The following PRKG1 variants were observed in gnomAD, a reference collection of about 807,000 sequenced individuals.
PRKG1 encodes cGMP-dependent protein kinase 1.
PRKG1 carries 35 observed loss-of-function variants against 88.1 expected under a neutral mutation model. The ratio of observed to expected loss-of-function variants is 0.40; its 90% confidence interval spans 0.30 to 0.53. The LOEUF (loss-of-function observed/expected upper bound fraction) is 0.53. Ranked by LOEUF, PRKG1 falls within the 20% of genes least tolerant of loss-of-function variation. PRKG1 has a pLI of 0.59. For missense variants in PRKG1, 540 were observed against 839.8 expected, an observed-to-expected ratio of 0.64 and a Z score of 4.41; for synonymous variants, 303 against 292.5, an observed-to-expected ratio of 1.04 and a Z score of -0.37.
intron 3 of PRKG1, among the ~76,000 whole-genome samples, chr10:51,680,529 T>G (rs953039541): frequency 3.9e-5 from 6 of 152,250 alleles, no homozygotes; most frequent in Admixed American, 3.3e-4. Context: ...AATAGCAGCA[T>G]GCTAGTTTAT....
chr10:51,001,223 T>G (rs987487591), intron 1 of PRKG1, among the ~76,000 whole-genome samples: 1 of 152,170 alleles, frequency 6.6e-6, no homozygotes, highest in African/African-American at 2.4e-5. Context: ...CCAGTCTGGG[T>G]TCCCTGGGGA....
chr10:51,069,164 G>A (rs1384889389), intron 1 of PRKG1, among the ~76,000 whole-genome samples: 1 of 151,884 alleles, frequency 6.6e-6, no homozygotes, highest in Non-Finnish European at 1.5e-5. Flanking sequence ...AGTATTAAAT[G>A]CTAAGTACAT....
chr10:51,798,851 T>C (rs1839088050), intron 3 of PRKG1, among the ~76,000 whole-genome samples: 1 of 152,084 alleles, frequency 6.6e-6, no homozygotes, highest in Admixed American at 6.6e-5. Context: ...GTAATTTTGC[T>C]AATACAGTGC....
At chr10:51,255,195 CA>C (rs2132148274) in intron 2 of PRKG1, among the ~76,000 whole-genome samples, 1 of 152,184 alleles carries the variant, frequency 6.6e-6, no homozygotes, top group Admixed American at 6.5e-5. Flanking sequence ...TCAATTTCTA[CA>C]TATGTTTTGA....
chr10:51,423,874 G>T (rs1838491919), intron 2 of PRKG1, among the ~76,000 whole-genome samples: 1 of 151,976 alleles, frequency 6.6e-6, no homozygotes. Context: ...GTTTTACTTA[G>T]GGTAAAAATA....
rs184326130 is a variant in PRKG1 at position 52,205,896 on chromosome 10, G to A, written c.1076+43933G>A. The stretch of plus-strand genomic sequence containing the variant: ...AGTGTCTGATGACTATGTGCATTGG[G>A]GATGGTCATCTTGTATAGTATCTTT... On this transcript the variant is annotated intron_variant, in intron 9 of 17. Transcript: ENST00000373980. 5.4e-3 allele frequency among the ~76,000 whole-genome samples: 824 copies of A among 151,956 alleles called. 27 individuals carry two copies. The highest frequency in any genetic ancestry group is 0.049 in the Admixed American group (743 of 15,260).
At chr10:51,183,048 GA>G (rs935498361) in intron 2 of PRKG1, among the ~76,000 whole-genome samples, 3 of 151,930 alleles carry the variant, frequency 2.0e-5, no homozygotes, top group East Asian at 1.9e-4. Flanking sequence ...AATCTGGTAA[GA>G]AAAAAAGACT....
intron 8 of PRKG1, among the ~76,000 whole-genome samples, chr10:52,153,509 T>C (rs1368557007): frequency 2.6e-5 from 4 of 152,210 alleles, no homozygotes; most frequent in Admixed American, 2.6e-4. Flanking sequence ...TTTCACTGTC[T>C]AGTCTTTAAT....
At chr10:51,844,616 C>T (rs1289258717) in intron 4 of PRKG1, among the ~76,000 whole-genome samples, 1 of 152,104 alleles carries the variant, frequency 6.6e-6, no homozygotes, top group Non-Finnish European at 1.5e-5. Flanking sequence ...ACACTGAAAT[C>T]AATCTACTTT....
chr10:51,995,631 G>A (rs1031045082), intron 5 of PRKG1, among the ~76,000 whole-genome samples: 7 of 151,992 alleles, frequency 4.6e-5, no homozygotes, highest in Non-Finnish European at 8.8e-5. Flanking sequence ...CCTACATAAA[G>A]GAAAGAAAGT....
intron 2 of PRKG1, among the ~76,000 whole-genome samples, chr10:51,454,275 C>T (rs293272): frequency 0.35 from 53,167 of 151,692 alleles, 10,566 homozygotes; most frequent in African/African-American, 0.51. Context: ...TAAAAATGAG[C>T]CTGCCTAGCC....
intron 8 of PRKG1, among the ~76,000 whole-genome samples, chr10:52,140,291 G>T (rs74135174): frequency 1.3e-5 from 2 of 152,136 alleles, no homozygotes; most frequent in Non-Finnish European, 2.9e-5. Flanking sequence ...TACATAAAAA[G>T]AACTGATTTG....
At chr10:51,478,522 A>G (rs1433590260) in intron 3 of PRKG1, among the ~76,000 whole-genome samples, 1 of 152,096 alleles carries the variant, frequency 6.6e-6, no homozygotes, top group African/African-American at 2.4e-5. Context: ...TCCTTAATTT[A>G]TAGACAAAAT....
intron 2 of PRKG1, among the ~76,000 whole-genome samples, chr10:51,339,569 A>G (rs2132544792): frequency 6.6e-6 from 1 of 151,946 alleles, no homozygotes; most frequent in East Asian, 1.9e-4. Context: ...AAATTTCATA[A>G]GATACCGTAA....
At chr10:51,256,786 A>G (rs557372776) in intron 2 of PRKG1, among the ~76,000 whole-genome samples, 1 of 152,250 alleles carries the variant, frequency 6.6e-6, no homozygotes, top group East Asian at 1.9e-4. Flanking sequence ...TCGGGGAACT[A>G]GAAAGTGAGG....
chr10:51,442,028 T>C (rs1839125484), intron 2 of PRKG1, among the ~76,000 whole-genome samples: 1 of 151,840 alleles, frequency 6.6e-6, no homozygotes, highest in Admixed American at 6.6e-5. Flanking sequence ...GAGTTATTTA[T>C]AGCAAAAATG....
chr10:51,757,897 G>T (rs7919612), intron 3 of PRKG1, among the ~76,000 whole-genome samples: 1 of 151,572 alleles, frequency 6.6e-6, no homozygotes, highest in East Asian at 1.9e-4. Context: ...AAAAGTGTCA[G>T]TCTCTTATTT....
chr10:51,195,748 A>G (rs1443466612), intron 2 of PRKG1, among the ~76,000 whole-genome samples: 2 of 152,162 alleles, frequency 1.3e-5, no homozygotes, highest in Non-Finnish European at 2.9e-5. Context: ...GAAAATTGTC[A>G]TAAGTCTTAT....
At chr10:51,494,793 A>C (rs942983658) in intron 3 of PRKG1, among the ~76,000 whole-genome samples, 2 of 152,174 alleles carry the variant, frequency 1.3e-5, no homozygotes, top group African/African-American at 4.8e-5. Context: ...TGACTTCGAA[A>C]ATTTACAGGT....
Sources: allele counts gnomAD v4.1 joint callset (sites outside exome capture counted in the v4.1 genomes callset), GRCh38; gene constraint gnomAD v4.1.1; transcripts MANE v1.5; gene names NCBI Gene and HGNC (gene_info 2026-07-23, HGNC 2026-07-21).